Variants in HNRNPM observed in about 807,000 individuals in gnomAD.
HNRNPM encodes the protein heterogeneous nuclear ribonucleoprotein M, also known as CEA receptor.
A neutral mutation model predicts 73.1 loss-of-function variants in HNRNPM; 11 were observed. The ratio of observed to expected loss-of-function variants is 0.15; its 90% CI spans 0.09 to 0.25. HNRNPM has a LOEUF of 0.25. Ranked by LOEUF, HNRNPM falls within the 10% of genes least tolerant of loss-of-function variation. The pLI, the probability that HNRNPM is intolerant of heterozygous loss-of-function variation, is 1.00. For synonymous variants in HNRNPM, 407 were observed against 355.2 expected (o/e 1.15, Z -1.64); for missense variants, 789 against 1,067.9 (o/e 0.74, Z 3.64).
chr19:8,465,231 A>T (rs368562434), intron 5 of HNRNPM, 93 bp from the exon 6 acceptor site: 1 of 1,008,254 alleles, frequency 9.9e-7, no homozygotes. Context: ...ACAACCTTTC[A>T]GTTTCTAAGT....
rs754575199 is a variant in HNRNPM at position 8,465,443 on chromosome 19, T to A, written c.558T>A (p.Asn186Lys). 1.2e-6 allele frequency: 2 copies of A among 1,613,666 alleles called. No individual in the cohort carries two copies. The highest frequency in any genetic ancestry group is 2.7e-5 in the African/African-American group (2 of 74,882). The change falls in exon 6 of 16, where the codon AAT (asparagine) becomes AAA (lysine). Residue 186 changes from asparagine (N) to lysine (K), a missense_variant. Coordinates refer to ENST00000325495, the MANE Select transcript of HNRNPM (RefSeq NM_005968.5). ...MITIPPSILN[N>K]PNIPNEIIHA... ...CTATCCCACCCAGTATCCTAAATAA[T>A]CCCAACATCCCAAATGAGATTATCC...
rs1191703874 is a variant in HNRNPM, at chr19:8,488,810, C to A, written c.2149C>A (p.Leu717Met). 6.2e-7 allele frequency: 1 copy of A among 1,614,016 alleles called. No individual in the cohort carries two copies. Among genetic ancestry groups the A allele is most frequent in the East Asian group, 2.2e-5 (1 of 44,894 alleles). Reference sequence around the variant, plus strand: ...CTGCCGGATGATGAATGGCATGAAGCTGAGTGGCCGAGAGATTGACGTTCG... The same window carrying A: ...CTGCCGGATGATGAATGGCATGAAGATGAGTGGCCGAGAGATTGACGTTCG... ...RACRMMNGMK[L>M]SGREIDVRID... The change falls in exon 16 of 16, where the codon CTG becomes ATG. Residue 717 changes from leucine (L) to methionine (M), a missense_variant. Physicochemically the swap from Leu to Met is conservative, Grantham distance 15. This residue lies in a region of HNRNPM where 43 missense variants were observed against 105.8 expected (regional missense o/e 0.41). Transcript: ENST00000325495.
At chr19:8,456,043 T>G (rs770003448) in intron 2 of HNRNPM, among the ~76,000 whole-genome samples, 2 of 151,938 alleles carry the variant, frequency 1.3e-5, no homozygotes, top group Non-Finnish European at 2.9e-5. Flanking sequence ...TAGCTGGACC[T>G]TATGCTTCTC....
At chr19:8,467,856 C>T (rs756327790) in intron 8 of HNRNPM, among the ~76,000 whole-genome samples, 3 of 151,984 alleles carry the variant, frequency 2.0e-5, no homozygotes, top group South Asian at 2.1e-4. Flanking sequence ...GGAACTCCTC[C>T]GTCTCTACTA....
chr19:8,487,261 CTG>C, intron 15 of HNRNPM, 186 bp downstream of exon 15: 1 of 644,254 alleles, frequency 1.6e-6, no homozygotes, highest in Non-Finnish European at 2.8e-6. Flanking sequence ...TGTTTTTCAG[CTG>C]TGTTCTCATT....
At chr19:8,484,718 G>A (rs779927072) in intron 13 of HNRNPM, among the ~76,000 whole-genome samples, 2 of 152,144 alleles carry the variant, frequency 1.3e-5, no homozygotes, top group Non-Finnish European at 2.9e-5. Flanking sequence ...TGCTTGGGTC[G>A]GTCACAGGCT....
At chr19:8,450,555 A>AC (rs1968534499) in intron 1 of HNRNPM, among the ~76,000 whole-genome samples, 1 of 151,994 alleles carries the variant, frequency 6.6e-6, no homozygotes, top group Admixed American at 6.6e-5. Flanking sequence ...GACCACAGGC[A>AC]CATGGTACCA....
chr19:8,445,442 A>C, intron 1 of HNRNPM: 2 of 222,322 alleles, frequency 9.0e-6, no homozygotes, highest in Non-Finnish European at 1.8e-5. Context: ...GGCCTACCCG[A>C]CCGCTCCCCG....
chr19:8,463,945 ACT>A, intron 5 of HNRNPM: 1 of 418,590 alleles, frequency 2.4e-6, no homozygotes, highest in East Asian at 4.1e-5. Flanking sequence ...TGTCTCAGGG[ACT>A]CTCAAACCAT....
At position 8,477,923 on chromosome 19, in the gene HNRNPM, T is replaced by C. The variant is rs547146503; in HGVS notation, c.1120+3679T>C. On this transcript the variant is annotated intron_variant, in intron 12 of 15. Coordinates refer to ENST00000325495, the MANE Select transcript of HNRNPM (RefSeq NM_005968.5). ...ATGTGACCTTGGTCAAGTTACTAAA[T>C]TGTGTGAGCCTCAATTTCTTTTTAA... Among the ~76,000 whole-genome samples the C allele has an allele frequency of 2.2e-4, 33 of 152,292 alleles. No homozygotes were observed. In the South Asian group the frequency reaches 3.5e-3, roughly 16 times the overall value.
chr19:8,463,887 G>A (rs1231669694), intron 5 of HNRNPM: 7 of 550,706 alleles, frequency 1.3e-5, no homozygotes, highest in South Asian at 1.1e-4. Flanking sequence ...CAGATCCTGA[G>A]TGGCTGCTGA....
intron 13 of HNRNPM, 110 bp from the exon 14 acceptor site, chr19:8,485,493 G>T: frequency 1.9e-6 from 2 of 1,066,736 alleles, no homozygotes; most frequent in Non-Finnish European, 2.7e-6. Flanking sequence ...GGTAAATTAT[G>T]GTGGGCCTTT....
chr19:8,487,147 ACCTC>A (rs759050780), intron 15 of HNRNPM, 72 bp downstream of exon 15: 122 of 1,279,632 alleles, frequency 9.5e-5, no homozygotes, highest in Non-Finnish European at 1.3e-4. Flanking sequence ...CAGCAGCAAA[ACCTC>A]CCTCCCAGCC....
intron 9 of HNRNPM, among the ~76,000 whole-genome samples, chr19:8,469,471 T>A (rs563006347): frequency 2.0e-5 from 3 of 152,186 alleles, no homozygotes; most frequent in Admixed American, 2.0e-4. Context: ...CCGAATACTT[T>A]GAGTTTTATG....
At chr19:8,467,677 G>C in intron 8 of HNRNPM, 93 bp downstream of exon 8, 1 of 956,582 alleles carries the variant, frequency 1.0e-6, no homozygotes, top group South Asian at 1.3e-5. Context: ...TGAAATATTT[G>C]TGGATTAGTC....
At chr19:8,473,893 CACTA>C (rs1345680219) in intron 11 of HNRNPM, among the ~76,000 whole-genome samples, 185 bp downstream of exon 11, 1 of 152,052 alleles carries the variant, frequency 6.6e-6, no homozygotes. Context: ...CTGGCTGTCT[CACTA>C]ACTAGCTCTG....
intron 12 of HNRNPM, among the ~76,000 whole-genome samples, chr19:8,474,508 C>T (rs560415784): frequency 1.3e-5 from 2 of 152,242 alleles, no homozygotes; most frequent in East Asian, 1.9e-4. Context: ...AGCATGTACA[C>T]GTTCGTGGTT....
At chr19:8,465,641 T>G (rs1044045604) in intron 6 of HNRNPM, 126 bp downstream of exon 6, 5 of 744,860 alleles carry the variant, frequency 6.7e-6, no homozygotes, top group African/African-American at 1.8e-5. Context: ...TGTTCTTGAT[T>G]TCTTTAAAAA....
At chr19:8,467,447 G>A in intron 7 of HNRNPM, 88 bp from the exon 8 acceptor site, 1 of 875,812 alleles carries the variant, frequency 1.1e-6, no homozygotes, top group Non-Finnish European at 1.9e-6. Flanking sequence ...AGAGGGACTG[G>A]TAGCAGTTGG....
Sources: allele counts gnomAD v4.1 joint callset (sites outside exome capture counted in the v4.1 genomes callset), GRCh38; gene constraint gnomAD v4.1.1; regional missense constraint gnomAD v4.1.1; transcripts MANE v1.5; gene names NCBI Gene and HGNC (gene_info 2026-07-23, HGNC 2026-07-21).